Variants in B3GALT1 observed in about 807,000 individuals in gnomAD.
The protein encoded by B3GALT1 is beta-1,3-galactosyltransferase 1, also known as UDP-Gal:betaGlcNAc beta 1,3-galactosyltransferase, polypeptide 1.
Under a neutral mutation model 23.2 loss-of-function variants are expected in B3GALT1, and 10 were observed. The observed-to-expected ratio is 0.43, with a 90% CI of 0.27 to 0.73. The LOEUF is 0.73. B3GALT1 is among the 30% of genes least tolerant of loss of function. The probability of loss-of-function intolerance (pLI) is 0.21; values close to 1 mark genes in which losing one functional copy is unlikely to be tolerated. For missense variants in B3GALT1, 299 were observed against 405.4 expected, an observed-to-expected ratio of 0.74 and a Z score of 2.25; for synonymous variants, 156 against 141.5, an observed-to-expected ratio of 1.10 and a Z score of -0.73.
chr2:167,733,265 T>C (rs1356761434), intron 3 of B3GALT1, among the ~76,000 whole-genome samples: 1 of 151,140 alleles, frequency 6.6e-6, no homozygotes, highest in East Asian at 1.9e-4. Context: ...CAGTGCACTC[T>C]TAACCATTAT....
At chr2:167,350,770 A>G (rs1314081446) in intron 1 of B3GALT1, among the ~76,000 whole-genome samples, 1 of 152,144 alleles carries the variant, frequency 6.6e-6, no homozygotes, top group African/African-American at 2.4e-5. Flanking sequence ...GGACCTACAC[A>G]TTGCAAGGAG....
intron 1 of B3GALT1, among the ~76,000 whole-genome samples, chr2:167,453,668 C>G (rs1018317612): frequency 6.6e-6 from 1 of 152,150 alleles, no homozygotes; most frequent in Non-Finnish European, 1.5e-5. Context: ...AAAAACTGAA[C>G]AAGTGCCAAT....
At chr2:167,835,364 C>T (rs372351096) in intron 4 of B3GALT1, among the ~76,000 whole-genome samples, 7 of 152,216 alleles carry the variant, frequency 4.6e-5, no homozygotes, top group South Asian at 2.1e-4. Flanking sequence ...TAAAAAACGG[C>T]GCACCAGGAG....
At position 167,689,775 on chromosome 2, in the gene B3GALT1, T is replaced by A. The variant is rs377332200; in HGVS notation, c.-352+42809T>A. On this transcript the variant is annotated intron_variant, in intron 3 of 4. Transcript: ENST00000392690. Reference sequence around the variant, plus strand: ...CTACAGAGAAGGGGATGAGACATGGTCTATTTCTGGATATATTTTGAGGGA... The same window carrying A: ...CTACAGAGAAGGGGATGAGACATGGACTATTTCTGGATATATTTTGAGGGA... Among the ~76,000 whole-genome samples, 15 of 152,198 alleles carry A rather than the reference T, an allele frequency of 9.9e-5. 1 individual carries two copies. Among genetic ancestry groups the A allele is most frequent in the African/African-American group, 3.4e-4 (14 of 41,538 alleles).
chr2:167,662,533 G>T (rs1024061572), intron 3 of B3GALT1, among the ~76,000 whole-genome samples: 3 of 152,080 alleles, frequency 2.0e-5, no homozygotes, highest in Non-Finnish European at 4.4e-5. Flanking sequence ...ATGGCATCAT[G>T]TCTCCCAAAG....
At chr2:167,685,233 T>C (rs1686599329) in intron 3 of B3GALT1, among the ~76,000 whole-genome samples, 1 of 152,218 alleles carries the variant, frequency 6.6e-6, no homozygotes, top group East Asian at 1.9e-4. Context: ...AACACAGCAC[T>C]TGGCATGGTT....
intron 3 of B3GALT1, among the ~76,000 whole-genome samples, chr2:167,802,425 T>C (rs1688656487): frequency 6.6e-6 from 1 of 152,212 alleles, no homozygotes; most frequent in Non-Finnish European, 1.5e-5. Context: ...TTTTAAATTA[T>C]AAAGTAATAT....
chr2:167,532,291 T>C (rs748118095), intron 2 of B3GALT1, among the ~76,000 whole-genome samples: 1 of 152,184 alleles, frequency 6.6e-6, no homozygotes, highest in Non-Finnish European at 1.5e-5. Context: ...GTTTAACTTA[T>C]TACTGTAGCA....
At chr2:167,547,354 A>T (rs1360836939) in intron 2 of B3GALT1, among the ~76,000 whole-genome samples, 1 of 152,196 alleles carries the variant, frequency 6.6e-6, no homozygotes, top group Non-Finnish European at 1.5e-5. Flanking sequence ...ACCAACAAAA[A>T]AATTACATTT....
chr2:167,309,289 T>C (rs928135182), intron 1 of B3GALT1, among the ~76,000 whole-genome samples: 1 of 152,036 alleles, frequency 6.6e-6, no homozygotes, highest in African/African-American at 2.4e-5. Flanking sequence ...TTACTTTTTA[T>C]ACATTCAGGG....
At chr2:167,714,320 G>C in intron 3 of B3GALT1, 1 of 1,494,418 alleles carries the variant, frequency 6.7e-7, no homozygotes, top group Admixed American at 1.7e-5. Flanking sequence ...GTGAGCATCA[G>C]TTGACCTATC....
At chr2:167,862,365 CAGG>C (rs1300168894) in intron 4 of B3GALT1, among the ~76,000 whole-genome samples, 1 of 152,198 alleles carries the variant, frequency 6.6e-6, no homozygotes, top group South Asian at 2.1e-4. Flanking sequence ...TGTCTGAGCT[CAGG>C]AGGAGATGCA....
chr2:167,348,533 A>G (rs912794773), intron 1 of B3GALT1, among the ~76,000 whole-genome samples: 1 of 152,150 alleles, frequency 6.6e-6, no homozygotes, highest in African/African-American at 2.4e-5. Context: ...ATATTAAATG[A>G]CCTAAATTCA....
At chr2:167,438,484 A>G (rs1332164501) in intron 1 of B3GALT1, among the ~76,000 whole-genome samples, 5 of 152,210 alleles carry the variant, frequency 3.3e-5, no homozygotes, top group Non-Finnish European at 7.3e-5. Flanking sequence ...GAATTACTTA[A>G]TGTCTTATTG....
chr2:167,600,917 A>G (rs986813418), intron 2 of B3GALT1, among the ~76,000 whole-genome samples: 22 of 151,936 alleles, frequency 1.4e-4, no homozygotes, highest in Admixed American at 1.4e-3. Flanking sequence ...AATTGTTTTT[A>G]GTATAAACAT....
chr2:167,531,744 T>G (rs1391640080), intron 2 of B3GALT1, among the ~76,000 whole-genome samples: 1 of 152,210 alleles, frequency 6.6e-6, no homozygotes, highest in Non-Finnish European at 1.5e-5. Flanking sequence ...TATAATTATG[T>G]ATTATAACTT....
chr2:167,547,828 G>A (rs1683668326), intron 2 of B3GALT1, among the ~76,000 whole-genome samples: 1 of 152,014 alleles, frequency 6.6e-6, no homozygotes, highest in African/African-American at 2.4e-5. Context: ...AGCAGACCTT[G>A]CTATATGAAA....
chr2:167,419,682 T>G (rs1698519719), intron 1 of B3GALT1, among the ~76,000 whole-genome samples: 1 of 152,192 alleles, frequency 6.6e-6, no homozygotes, highest in African/African-American at 2.4e-5. Context: ...CCTGAATTAG[T>G]GTCTTAATGC....
chr2:167,362,042 C>G (rs941812935), intron 1 of B3GALT1, among the ~76,000 whole-genome samples: 3 of 152,090 alleles, frequency 2.0e-5, no homozygotes, highest in Non-Finnish European at 4.4e-5. Flanking sequence ...CCACTGCACT[C>G]CAGCCTGGGT....
Sources: gnomAD v4.1 joint callset for allele counts (sites outside exome capture counted in the v4.1 genomes callset) on GRCh38, gnomAD v4.1.1 for gene constraint, MANE v1.5 for transcripts, NCBI Gene and HGNC (gene_info 2026-07-23, HGNC 2026-07-21) for gene names.